The following ICA1L variants were observed in gnomAD, a reference collection of about 807,000 sequenced individuals.
ICA1L encodes islet cell autoantigen 1 like.
ICA1L carries 50 observed loss-of-function variants against 61.3 expected under a neutral mutation model. The ratio of observed to expected loss-of-function variants is 0.82; its 90% CI spans 0.65 to 1.03. The LOEUF is 1.03. Among genes scored for constraint, ICA1L ranks in the 50% least tolerant of loss-of-function variants. ICA1L has a pLI of 0.00. For missense variants in ICA1L, 508 were observed against 556.7 expected (o/e 0.91, Z 0.88); for synonymous variants, 161 against 191.3 (o/e 0.84, Z 1.31).
At chr2:202,865,497 A>G (rs1203781200) in intron 1 of ICA1L, among the ~76,000 whole-genome samples, 2 of 152,034 alleles carry the variant, frequency 1.3e-5, no homozygotes, top group African/African-American at 4.8e-5. Context: ...ACAACAACAA[A>G]AAAACCCACA....
At chr2:202,837,844 TGTTTC>T (rs1227598679) in intron 1 of ICA1L, among the ~76,000 whole-genome samples, 1 of 152,190 alleles carries the variant, frequency 6.6e-6, no homozygotes, top group East Asian at 1.9e-4. Context: ...CATTTTTGTT[TGTTTC>T]AAGATTTTAT....
At chr2:202,865,278 A>G (rs1559152970) in intron 1 of ICA1L, among the ~76,000 whole-genome samples, 2 of 151,550 alleles carry the variant, frequency 1.3e-5, no homozygotes, top group Non-Finnish European at 2.9e-5. Flanking sequence ...AGAGCAGCCT[A>G]GCCAACATGG....
intron 1 of ICA1L, among the ~76,000 whole-genome samples, chr2:202,851,991 G>T (rs976692630): frequency 6.6e-6 from 1 of 152,148 alleles, no homozygotes; most frequent in Non-Finnish European, 1.5e-5. Context: ...CTTTTGCTGT[G>T]CAGAAGCTCT....
intron 1 of ICA1L, 41 bp downstream of exon 1, chr2:202,871,578 T>A (rs1687733685): frequency 6.6e-6 from 1 of 151,712 alleles, no homozygotes; most frequent in African/African-American, 2.4e-5. Flanking sequence ...GACCGCCGCC[T>A]GAGGGGGAAT....
chr2:202,786,421 C>T (rs1326274653), intron 11 of ICA1L, among the ~76,000 whole-genome samples: 24 of 151,904 alleles, frequency 1.6e-4, no homozygotes, highest in Admixed American at 5.9e-4. Flanking sequence ...CGGTGGCGGG[C>T]GCCTGTAGTC....
intron 1 of ICA1L, among the ~76,000 whole-genome samples, chr2:202,846,849 A>T (rs1694476977): frequency 6.6e-6 from 1 of 152,246 alleles, no homozygotes; most frequent in African/African-American, 2.4e-5. Context: ...AATATCTGAG[A>T]AGTTAAAATA....
intron 1 of ICA1L, among the ~76,000 whole-genome samples, chr2:202,857,616 T>C (rs1048925743): frequency 1.2e-4 from 19 of 152,006 alleles, no homozygotes; most frequent in African/African-American, 4.1e-4. Flanking sequence ...GAAGCCAAAA[T>C]TGACAAATGG....
chr2:202,826,063 T>C (rs923270067), intron 2 of ICA1L, among the ~76,000 whole-genome samples: 1 of 152,146 alleles, frequency 6.6e-6, no homozygotes, highest in Non-Finnish European at 1.5e-5. Context: ...ACTATCTAAA[T>C]AACAACAACA....
intron 1 of ICA1L, among the ~76,000 whole-genome samples, chr2:202,848,513 T>A (rs1386196190): frequency 6.6e-6 from 1 of 152,162 alleles, no homozygotes; most frequent in Non-Finnish European, 1.5e-5. Flanking sequence ...GGCAAATTAG[T>A]CTTTAGCTGC....
At chr2:202,865,763 T>C (rs1687493671) in intron 1 of ICA1L, among the ~76,000 whole-genome samples, 1 of 152,192 alleles carries the variant, frequency 6.6e-6, no homozygotes, top group Admixed American at 6.5e-5. Flanking sequence ...CACATTTCTA[T>C]ATATTAGTAG....
At chr2:202,813,247 T>TGA (rs1441650025) in intron 8 of ICA1L, among the ~76,000 whole-genome samples, 1 of 140,856 alleles carries the variant, frequency 7.1e-6, no homozygotes, top group African/African-American at 2.6e-5. Context: ...AGAAAAAGAG[T>TGA]GAGACTCTGT....
At chr2:202,854,365 A>C (rs555746035) in intron 1 of ICA1L, among the ~76,000 whole-genome samples, 171 of 152,334 alleles carry the variant, frequency 1.1e-3, no homozygotes, top group Middle Eastern at 3.4e-3. Context: ...ATATGCACCC[A>C]ATACAGGAGC....
intron 1 of ICA1L, among the ~76,000 whole-genome samples, chr2:202,868,126 T>C (rs1559153824): frequency 6.6e-6 from 1 of 152,086 alleles, no homozygotes; most frequent in East Asian, 1.9e-4. Flanking sequence ...TATCACTGAA[T>C]TGTACACTTC....
chr2:202,841,602 C>A, intron 1 of ICA1L: 1 of 667,096 alleles, frequency 1.5e-6, no homozygotes, highest in South Asian at 1.4e-5. Flanking sequence ...ATGCCACTGG[C>A]CCCACCATAA....
chr2:202,869,026 G>T (rs146023342), intron 1 of ICA1L, among the ~76,000 whole-genome samples: 12 of 151,520 alleles, frequency 7.9e-5, no homozygotes, highest in Non-Finnish European at 1.3e-4. Flanking sequence ...TACATCAGTG[G>T]CTAAAACTAT....
intron 4 of ICA1L, 79 bp from the exon 5 acceptor site, chr2:202,819,978 G>C: frequency 9.5e-7 from 1 of 1,052,560 alleles, no homozygotes. Flanking sequence ...CAATGAAAAA[G>C]CATATTTGCT....
Position 202,849,536 on chromosome 2 carries a change from C to G in ICA1L, c.-7-20520G>C, listed in dbSNP as rs1209438811. Among the ~76,000 whole-genome samples the G allele has an allele frequency of 6.6e-6, 1 of 152,222 alleles. No individual in the cohort carries two copies. The highest frequency in any genetic ancestry group is 1.9e-4 in the East Asian group (1 of 5,188). ...CAGGCAGTTTAGACTGGGCAGAACT[C>G]ACCACAGTGCGGGAAAGTGGCTATG... On this transcript the variant is annotated intron_variant, in intron 1 of 12. Transcript: ENST00000358299. The surrounding 1 kb of genome is among the most constrained non-coding windows in gnomAD (Gnocchi z 4.5).
At chr2:202,798,127 A>G (rs890746760) in intron 9 of ICA1L, among the ~76,000 whole-genome samples, 1 of 152,166 alleles carries the variant, frequency 6.6e-6, no homozygotes, top group Non-Finnish European at 1.5e-5. Context: ...TGAAGGCTGA[A>G]TAGTATTCCA....
At chr2:202,839,045 T>G (rs1298416394) in intron 1 of ICA1L, among the ~76,000 whole-genome samples, 1 of 152,162 alleles carries the variant, frequency 6.6e-6, no homozygotes, top group African/African-American at 2.4e-5. Context: ...CCTCCAACAC[T>G]GGAAGTCATA....
Sources: allele counts gnomAD v4.1 joint callset (sites outside exome capture counted in the v4.1 genomes callset), GRCh38; gene constraint gnomAD v4.1.1; non-coding constraint Gnocchi (gnomAD v3.1); transcripts MANE v1.5; gene names NCBI Gene and HGNC (gene_info 2026-07-23, HGNC 2026-07-21).